CLEC9A: variants seen among roughly 807,000 people sequenced by gnomAD.
CLEC9A encodes C-type lectin domain family 9 member A.
A neutral mutation model predicts 30.0 loss-of-function variants in CLEC9A; 24 were observed. The observed-to-expected ratio is 0.80, with a 90% CI of 0.58 to 1.13. The LOEUF is 1.13. CLEC9A is among the 50% of genes most tolerant of loss of function. The pLI, the probability that CLEC9A is intolerant of heterozygous loss-of-function variation, is 0.00. For missense variants in CLEC9A, 251 were observed against 280.9 expected (o/e 0.89, Z 0.76); for synonymous variants, 111 against 96.8 (o/e 1.15, Z -0.86).
At chr12:10,046,596 A>G (rs1180322044) in intron 2 of CLEC9A, among the ~76,000 whole-genome samples, 5 of 152,238 alleles carry the variant, frequency 3.3e-5, no homozygotes, top group African/African-American at 7.2e-5. Context: ...ACAGGATAAT[A>G]GGCAAAAATT....
At chr12:10,059,011 G>A (rs1865970633) in intron 5 of CLEC9A, among the ~76,000 whole-genome samples, 1 of 151,950 alleles carries the variant, frequency 6.6e-6, no homozygotes, top group African/African-American at 2.4e-5. Flanking sequence ...ACGCATAGGT[G>A]TTTTTATTTG....
intron 2 of CLEC9A, chr12:10,043,220 C>G: frequency 2.5e-6 from 1 of 394,038 alleles, no homozygotes; most frequent in Non-Finnish European, 5.1e-6. Flanking sequence ...AATAGGAATA[C>G]ATCAAAGCCA....
At chr12:10,032,380 T>C (rs534078654) in intron 1 of CLEC9A, among the ~76,000 whole-genome samples, 33 of 140,024 alleles carry the variant, frequency 2.4e-4, no homozygotes, top group Admixed American at 1.8e-3. Flanking sequence ...CCTACCTCCT[T>C]AGGGATTTCT....
At chr12:10,064,378 A>G (rs941495025) in intron 7 of CLEC9A, among the ~76,000 whole-genome samples, 1 of 152,198 alleles carries the variant, frequency 6.6e-6, no homozygotes, top group Non-Finnish European at 1.5e-5. Flanking sequence ...TATACTGAGA[A>G]AGACTATTCT....
At chr12:10,044,790 A>G (rs763493199) in intron 2 of CLEC9A, among the ~76,000 whole-genome samples, 13 of 152,168 alleles carry the variant, frequency 8.5e-5, no homozygotes, top group Non-Finnish European at 1.8e-4. Context: ...CCCCACTGAA[A>G]TGGAAGTTCC....
intron 6 of CLEC9A, 78 bp from the exon 7 acceptor site, chr12:10,062,977 G>A (rs564021320): frequency 4.5e-6 from 6 of 1,326,470 alleles, no homozygotes; most frequent in South Asian, 3.1e-5. Flanking sequence ...CTGAGGGTGA[G>A]GCAAGGGGCT....
At chr12:10,041,688 T>G (rs1865799071) in intron 2 of CLEC9A, 68 bp downstream of exon 2, 3 of 510,836 alleles carry the variant, frequency 5.9e-6, no homozygotes, top group Non-Finnish European at 1.2e-5. Context: ...ACATTTGACC[T>G]TTTTTGTTTT....
intron 2 of CLEC9A, chr12:10,045,713 T>A: frequency 4.6e-6 from 1 of 219,366 alleles, no homozygotes; most frequent in Non-Finnish European, 9.7e-6. Flanking sequence ...AGCCATAAAT[T>A]GGTTATTTCT....
intron 7 of CLEC9A, 58 bp downstream of exon 7, chr12:10,063,264 G>T: frequency 7.1e-7 from 1 of 1,408,442 alleles, no homozygotes; most frequent in Non-Finnish European, 9.3e-7. Context: ...CTTATTAAAA[G>T]AAATCCCTCA....
At chr12:10,041,694 G>C in intron 2 of CLEC9A, 74 bp downstream of exon 2, 4 of 507,082 alleles carry the variant, frequency 7.9e-6, no homozygotes, top group Non-Finnish European at 1.2e-5. Context: ...GACCTTTTTT[G>C]TTTTTTACAT....
At chr12:10,057,626 T>A (rs1865954652) in intron 5 of CLEC9A, among the ~76,000 whole-genome samples, 1 of 151,904 alleles carries the variant, frequency 6.6e-6, no homozygotes. Context: ...AAGAAGCAGA[T>A]TTCTAAAAAG....
intron 7 of CLEC9A, among the ~76,000 whole-genome samples, chr12:10,064,441 A>G (rs1311666793): frequency 2.0e-5 from 3 of 152,200 alleles, no homozygotes; most frequent in Non-Finnish European, 2.9e-5. Flanking sequence ...AAGGTTCAGT[A>G]TAACACTTTC....
At chr12:10,063,741 C>T (rs561878694) in intron 7 of CLEC9A, among the ~76,000 whole-genome samples, 31 of 152,172 alleles carry the variant, frequency 2.0e-4, no homozygotes, top group African/African-American at 6.3e-4. Context: ...ATAGGCTGGG[C>T]GGGGTGGCTC....
intron 1 of CLEC9A, among the ~76,000 whole-genome samples, chr12:10,037,131 A>C (rs1865750954): frequency 6.6e-6 from 1 of 152,344 alleles, no homozygotes; most frequent in South Asian, 2.1e-4. Flanking sequence ...AATGAAAACA[A>C]GATAATTATA....
intron 2 of CLEC9A, among the ~76,000 whole-genome samples, chr12:10,047,227 A>C (rs946697848): frequency 6.6e-6 from 1 of 152,240 alleles, no homozygotes; most frequent in Non-Finnish European, 1.5e-5. Flanking sequence ...AGAGAAACCA[A>C]ATAGGAACTA....
chr12:10,047,895 T>C (rs544039991), intron 2 of CLEC9A, among the ~76,000 whole-genome samples: 1 of 152,296 alleles, frequency 6.6e-6, no homozygotes, highest in South Asian at 2.1e-4. Flanking sequence ...AGAGTGGTGG[T>C]TGCTGAAGGA....
At chr12:10,060,979 C>T in intron 5 of CLEC9A, 148 bp from the exon 6 acceptor site, 1 of 917,568 alleles carries the variant, frequency 1.1e-6, no homozygotes, top group East Asian at 3.0e-5. Flanking sequence ...GATTCTTGTA[C>T]AATGTAAATT....
chr12:10,039,024 G>A (rs549756745), intron 1 of CLEC9A, among the ~76,000 whole-genome samples: 1 of 152,356 alleles, frequency 6.6e-6, no homozygotes, highest in East Asian at 1.9e-4. Flanking sequence ...CTATTACTTG[G>A]AGGACCCTGA....
At chr12:10,057,089 A>G (rs914072718) in intron 5 of CLEC9A, among the ~76,000 whole-genome samples, 2 of 152,104 alleles carry the variant, frequency 1.3e-5, no homozygotes, top group Non-Finnish European at 2.9e-5. Context: ...ACCAGTTACC[A>G]TAATAAAACT....
Sources: allele counts gnomAD v4.1 joint callset (sites outside exome capture counted in the v4.1 genomes callset), GRCh38; gene constraint gnomAD v4.1.1; transcripts MANE v1.5; gene names NCBI Gene and HGNC (gene_info 2026-07-23, HGNC 2026-07-21).